NEGR1: variants seen among roughly 807,000 people sequenced by gnomAD.
The protein encoded by NEGR1 is IgLON family member 4.
A neutral mutation model predicts 40.9 loss-of-function variants in NEGR1; 10 were observed. The ratio of observed to expected loss-of-function variants is 0.24; its 90% confidence interval spans 0.15 to 0.42. NEGR1 has a LOEUF of 0.42. Ranked by LOEUF, NEGR1 falls within the 10% of genes least tolerant of loss-of-function variation. The probability of loss-of-function intolerance (pLI) is 1.00; values close to 1 mark genes in which losing one functional copy is unlikely to be tolerated. For missense variants in NEGR1, 352 were observed against 438.9 expected (o/e 0.80, Z 1.77); for synonymous variants, 185 against 166.8 (o/e 1.11, Z -0.84).
At chr1:72,024,729 C>A (rs1054117088) in intron 1 of NEGR1, among the ~76,000 whole-genome samples, 1 of 152,162 alleles carries the variant, frequency 6.6e-6, no homozygotes, top group South Asian at 2.1e-4. Context: ...GTTATCACTG[C>A]AGTCAGCTTT....
At chr1:71,601,505 C>A (rs1240210443) in intron 5 of NEGR1, among the ~76,000 whole-genome samples, 1 of 152,148 alleles carries the variant, frequency 6.6e-6, no homozygotes, top group Non-Finnish European at 1.5e-5. Flanking sequence ...GCCACTTGCA[C>A]TTGTATGTTT....
chr1:72,168,363 T>A (rs1651842655), intron 1 of NEGR1, among the ~76,000 whole-genome samples: 1 of 152,042 alleles, frequency 6.6e-6, no homozygotes, highest in Non-Finnish European at 1.5e-5. Flanking sequence ...CCTTTTTTTT[T>A]CACTCCCCCT....
chr1:72,109,561 T>A (rs1451573701), intron 1 of NEGR1, among the ~76,000 whole-genome samples: 1 of 151,836 alleles, frequency 6.6e-6, no homozygotes, highest in East Asian at 1.9e-4. Flanking sequence ...CAGATCCTTT[T>A]CATATTCCAA....
At chr1:72,202,934 T>TG (rs1162030082) in intron 1 of NEGR1, among the ~76,000 whole-genome samples, 3 of 152,036 alleles carry the variant, frequency 2.0e-5, no homozygotes, top group African/African-American at 7.2e-5. Flanking sequence ...TATGGTTTAC[T>TG]GAATATTTAA....
At chr1:71,874,647 G>T (rs1468967270) in intron 2 of NEGR1, among the ~76,000 whole-genome samples, 1 of 152,064 alleles carries the variant, frequency 6.6e-6, no homozygotes, top group Non-Finnish European at 1.5e-5. Flanking sequence ...ATGTGAATTT[G>T]CTTTCACTGA....
At chr1:72,193,839 C>A (rs1652907996) in intron 1 of NEGR1, among the ~76,000 whole-genome samples, 1 of 151,434 alleles carries the variant, frequency 6.6e-6, no homozygotes, top group Non-Finnish European at 1.5e-5. Context: ...ACCCTGAAAG[C>A]CTGCCTCCCA....
chr1:72,055,345 T>G (rs1484544875), intron 1 of NEGR1, among the ~76,000 whole-genome samples: 1 of 151,198 alleles, frequency 6.6e-6, no homozygotes, highest in Non-Finnish European at 1.5e-5. Flanking sequence ...CTAATTTCAA[T>G]AAAATTACTC....
At chr1:72,231,150 T>C (rs1426963493) in intron 1 of NEGR1, among the ~76,000 whole-genome samples, 2 of 152,178 alleles carry the variant, frequency 1.3e-5, no homozygotes, top group African/African-American at 4.8e-5. Flanking sequence ...AGATTGTCAC[T>C]GTACTTTTAC....
rs186796226 is a variant in NEGR1, at chr1:71,487,727, C to T, written c.941-80157G>A. ...TAGTTTGTTATGAAGCATACAAACC[C>T]TAGCATTCATTAGATTTTTTTTTTA... On this transcript the variant is annotated intron_variant, in intron 6 of 6. Coordinates refer to ENST00000357731, the MANE Select transcript of NEGR1 (RefSeq NM_173808.3). Among the ~76,000 whole-genome samples the T allele has an allele frequency of 2.6e-3, 387 of 147,504 alleles. 4 individuals are homozygous for T. Among genetic ancestry groups the T allele is most frequent in the Non-Finnish European group, 4.6e-3 (304 of 65,954 alleles).
At chr1:71,556,991 T>C (rs1315069541) in intron 6 of NEGR1, among the ~76,000 whole-genome samples, 1 of 151,606 alleles carries the variant, frequency 6.6e-6, no homozygotes, top group Non-Finnish European at 1.5e-5. Flanking sequence ...TTGCAAAGTA[T>C]GAAAATGCCC....
At chr1:72,122,049 A>G (rs1463719580) in intron 1 of NEGR1, among the ~76,000 whole-genome samples, 3 of 152,086 alleles carry the variant, frequency 2.0e-5, no homozygotes, top group Admixed American at 1.3e-4. Context: ...TAAAATATGC[A>G]TAATTACAAC....
intron 4 of NEGR1, among the ~76,000 whole-genome samples, chr1:71,677,959 T>C (rs964777683): frequency 3.3e-5 from 5 of 152,194 alleles, no homozygotes; most frequent in Admixed American, 1.3e-4. Flanking sequence ...AACTTATCTA[T>C]TTTAAGTCAG....
At chr1:71,955,468 G>T (rs1646112184) in intron 1 of NEGR1, among the ~76,000 whole-genome samples, 1 of 152,002 alleles carries the variant, frequency 6.6e-6, no homozygotes, top group South Asian at 2.1e-4. Flanking sequence ...CTCCCCGAAG[G>T]CAACCTCGAC....
chr1:71,491,742 A>G (rs1487025723), intron 6 of NEGR1, among the ~76,000 whole-genome samples: 2 of 152,086 alleles, frequency 1.3e-5, no homozygotes, highest in Non-Finnish European at 2.9e-5. Context: ...CCAAAGGGCT[A>G]TGTCTTCAAA....
At chr1:72,250,244 ACTT>A (rs1355244970) in intron 1 of NEGR1, among the ~76,000 whole-genome samples, 10 of 151,958 alleles carry the variant, frequency 6.6e-5, no homozygotes, top group Non-Finnish European at 1.2e-4. Flanking sequence ...AATTGTTCTC[ACTT>A]CTTCTCTCCC....
intron 1 of NEGR1, among the ~76,000 whole-genome samples, chr1:71,957,665 A>G (rs1646130333): frequency 6.6e-6 from 1 of 152,156 alleles, no homozygotes; most frequent in Non-Finnish European, 1.5e-5. Flanking sequence ...TAAAATGTCA[A>G]TTGGGTTTGG....
intron 4 of NEGR1, among the ~76,000 whole-genome samples, chr1:71,687,260 T>C (rs1320753596): frequency 2.0e-5 from 3 of 152,228 alleles, no homozygotes; most frequent in African/African-American, 7.2e-5. Flanking sequence ...ATCGGTAGAC[T>C]GAATATATAT....
chr1:71,556,185 G>C (rs895329530), intron 6 of NEGR1, among the ~76,000 whole-genome samples: 2 of 151,462 alleles, frequency 1.3e-5, no homozygotes, highest in African/African-American at 4.8e-5. Flanking sequence ...ATGCACAATA[G>C]CAATCTCTCT....
chr1:71,739,218 CAA>C (rs538547056), intron 3 of NEGR1, among the ~76,000 whole-genome samples: 3 of 123,972 alleles, frequency 2.4e-5, no homozygotes, highest in East Asian at 4.7e-4. Context: ...AAAAAAAAAA[CAA>C]AAAAAAAAAA....
Sources: gnomAD v4.1 joint callset for allele counts (sites outside exome capture counted in the v4.1 genomes callset) on GRCh38, gnomAD v4.1.1 for gene constraint, MANE v1.5 for transcripts, NCBI Gene and HGNC (gene_info 2026-07-23, HGNC 2026-07-21) for gene names.